The following FREM2 variants were observed in gnomAD, a reference collection of about 807,000 sequenced individuals.
FREM2 encodes the protein FRAS1 related extracellular matrix 2, also known as FRAS1-related extracellular matrix protein 2.
FREM2 carries 119 observed loss-of-function variants against 219.9 expected under a neutral mutation model. The ratio of observed to expected loss-of-function variants is 0.54; its 90% CI spans 0.47 to 0.63. FREM2 has a LOEUF of 0.63. FREM2 is among the 30% of genes least tolerant of loss of function. The pLI is 0.00. For synonymous variants in FREM2, 1,562 were observed against 1,522.8 expected (o/e 1.03, Z -0.60); for missense variants, 4,030 against 3,993.6 (o/e 1.01, Z -0.25).
chr13:38,729,561 G>C (rs1220217741), intron 2 of FREM2, among the ~76,000 whole-genome samples: 2 of 152,054 alleles, frequency 1.3e-5, no homozygotes, highest in Non-Finnish European at 2.9e-5. Context: ...TCTTACTAAA[G>C]GACTTGAATT....
At position 38,714,607 on chromosome 13, in the gene FREM2, C is replaced by A. The variant is rs550580848; in HGVS notation, c.5263+16820C>A. ...GAGTGTATGTAAGCTGTTCTGACCA[C>A]AAAAATAATAATTATGTGAGGCAAT... On this transcript the variant is annotated intron_variant, in intron 2 of 23. Coordinates refer to ENST00000280481, the MANE Select transcript of FREM2 (RefSeq NM_207361.6). Among the ~76,000 whole-genome samples, 135 of 152,116 alleles carry A rather than the reference C, an allele frequency of 8.9e-4. 1 individual carries two copies. In the South Asian group the frequency reaches 8.9e-3, roughly 10 times the overall value.
chr13:38,853,335 AAC>A, intron 11 of FREM2, among the ~76,000 whole-genome samples: 1 of 151,960 alleles, frequency 6.6e-6, no homozygotes, highest in African/African-American at 2.4e-5. Flanking sequence ...AAAAAAAAAA[AAC>A]AAATCAGTTC....
In FREM2 at chr13:38,688,141, A is replaced by T. The variant is rs1345455174; in HGVS notation, c.797A>T (p.Tyr266Phe). Residue 266 changes from tyrosine to phenylalanine, a missense_variant, in exon 1 of 24, where the codon TAT becomes TTT. Around this residue, in one of 2 missense-constraint regions of FREM2, gnomAD observed 3,102 missense variants for 2,950.7 expected, o/e 1.05. Coordinates refer to ENST00000280481, the MANE Select transcript of FREM2 (RefSeq NM_207361.6). ...CKAFQELGVR[Y>F]RHTAASRSPN... ...GCTTTCCAGGAACTAGGCGTGCGCT[A>T]TCGCCACACAGCCGCCAGTCGCTCA... 2.5e-6 allele frequency: 4 copies of T among 1,613,404 alleles called. No individual in the cohort carries two copies. The highest frequency in any genetic ancestry group is 3.4e-6 in the Non-Finnish European group (4 of 1,179,856).
chr13:38,744,734 C>G (rs1220838952), intron 2 of FREM2, among the ~76,000 whole-genome samples: 1 of 152,176 alleles, frequency 6.6e-6, no homozygotes, highest in Non-Finnish European at 1.5e-5. Flanking sequence ...TCAGGTGATC[C>G]ACCTGCCTTG....
intron 6 of FREM2, among the ~76,000 whole-genome samples, chr13:38,842,202 G>T (rs1389591868): frequency 6.6e-6 from 1 of 152,214 alleles, no homozygotes; most frequent in Admixed American, 6.5e-5. Flanking sequence ...ATGTTTCAGT[G>T]TCTTGTAAAC....
At chr13:38,831,533 A>G (rs1015350489) in intron 6 of FREM2, among the ~76,000 whole-genome samples, 5 of 152,164 alleles carry the variant, frequency 3.3e-5, no homozygotes, top group African/African-American at 1.2e-4. Flanking sequence ...TATAGTTGAC[A>G]AGAAAAAGAA....
At chr13:38,846,500 T>C (rs553767943) in intron 6 of FREM2, 73 bp from the exon 7 acceptor site, 22 of 1,495,284 alleles carry the variant, frequency 1.5e-5, no homozygotes, top group Non-Finnish European at 1.7e-5. Flanking sequence ...CACTCTTCTT[T>C]GGAAGCATGT....
chr13:38,803,103 C>A (rs1227584796), intron 6 of FREM2, among the ~76,000 whole-genome samples: 1 of 152,156 alleles, frequency 6.6e-6, no homozygotes, highest in Non-Finnish European at 1.5e-5. Flanking sequence ...CTAGCTGCAT[C>A]TAGTCAGCCC....
rs532526246 is a variant in FREM2, at chr13:38,864,559, T to G, written c.7936T>G (p.Ser2646Ala). ...LWEFVSYYDM[S>A]ELLADCGGTI... is the part of the protein sequence containing the mutation. The stretch of plus-strand genomic sequence containing the variant: ...GGAGTTCGTTAGCTACTATGACATG[T>G]CAGAACTCCTTGCTGACTGTGGTGG... The change falls in exon 16 of 24, where the codon TCA (serine) becomes GCA (alanine). Residue 2646 changes from serine (S) to alanine (A), a missense_variant. Physicochemically the swap from Ser to Ala is moderately conservative, Grantham distance 99 (BLOSUM62 1). Coordinates refer to ENST00000280481, the MANE Select transcript of FREM2 (RefSeq NM_207361.6). 63 of 1,614,200 alleles carry G rather than the reference T, an allele frequency of 3.9e-5. 1 individual carries two copies. The East Asian group carries it at 1.4e-3, about 35-fold the overall frequency.
At chr13:38,756,128 C>T (rs757794560) in intron 2 of FREM2, among the ~76,000 whole-genome samples, 2 of 152,202 alleles carry the variant, frequency 1.3e-5, no homozygotes, top group Non-Finnish European at 2.9e-5. Context: ...TTTTTCTGCT[C>T]CTGTGCTCCA....
intron 4 of FREM2, among the ~76,000 whole-genome samples, chr13:38,774,088 A>G (rs1394142866): frequency 6.6e-6 from 1 of 151,968 alleles, no homozygotes; most frequent in Non-Finnish European, 1.5e-5. Context: ...ACATGGTTAG[A>G]AAAGAAGTAA....
chr13:38,865,318 A>G (rs1352345233), intron 16 of FREM2, among the ~76,000 whole-genome samples: 3 of 152,218 alleles, frequency 2.0e-5, no homozygotes, highest in Non-Finnish European at 4.4e-5. Flanking sequence ...TTAAAATGAT[A>G]AGGAAGCAAG....
chr13:38,859,233 T>G, intron 13 of FREM2, 54 bp from the exon 14 acceptor site: 1 of 1,551,602 alleles, frequency 6.4e-7, no homozygotes, highest in South Asian at 1.1e-5. Flanking sequence ...GGGAGAAGAA[T>G]GCGTTCCACC....
At chr13:38,787,805 A>G (rs1456095423) in intron 6 of FREM2, among the ~76,000 whole-genome samples, 1 of 151,046 alleles carries the variant, frequency 6.6e-6, no homozygotes, top group Admixed American at 6.6e-5. Flanking sequence ...ATGTTATTCA[A>G]CGAATATTGC....
intron 6 of FREM2, among the ~76,000 whole-genome samples, chr13:38,835,910 C>G (rs915745075): frequency 6.6e-6 from 1 of 152,234 alleles, no homozygotes; most frequent in South Asian, 2.1e-4. Flanking sequence ...TTGACTTCCT[C>G]TCTTCCTATA....
chr13:38,705,936 G>T (rs1870521342), intron 2 of FREM2, among the ~76,000 whole-genome samples: 1 of 152,186 alleles, frequency 6.6e-6, no homozygotes, highest in South Asian at 2.1e-4. Context: ...GGGATGGAAA[G>T]TCAGAACCTG....
intron 2 of FREM2, among the ~76,000 whole-genome samples, chr13:38,700,029 T>G (rs1237911343): frequency 6.6e-6 from 1 of 152,116 alleles, no homozygotes; most frequent in Non-Finnish European, 1.5e-5. Context: ...TATGTCCAGC[T>G]TGCTTTCCAA....
chr13:38,763,945 TC>T (rs1425323833), intron 2 of FREM2, among the ~76,000 whole-genome samples: 1 of 152,202 alleles, frequency 6.6e-6, no homozygotes, highest in African/African-American at 2.4e-5. Context: ...CTTGCAGCCC[TC>T]TGATTAGAAA....
chr13:38,807,873 T>G (rs919912791), intron 6 of FREM2, among the ~76,000 whole-genome samples: 4 of 152,006 alleles, frequency 2.6e-5, no homozygotes, highest in African/African-American at 9.7e-5. Context: ...ACCAGCTGCA[T>G]TAGCCCCTAA....
Sources: allele counts gnomAD v4.1 joint callset (sites outside exome capture counted in the v4.1 genomes callset), GRCh38; gene constraint gnomAD v4.1.1; regional missense constraint gnomAD v4.1.1; transcripts MANE v1.5; gene names NCBI Gene and HGNC (gene_info 2026-07-23, HGNC 2026-07-21).